The following CDKN2A variants were observed in gnomAD, a reference collection of about 807,000 sequenced individuals.
CDKN2A encodes the protein cyclin dependent kinase inhibitor 2A.
Under a neutral mutation model 11.1 loss-of-function variants are expected in CDKN2A, and 3 were observed. The ratio of observed to expected loss-of-function variants is 0.27; its 90% CI spans 0.12 to 0.70. CDKN2A has a LOEUF of 0.70. Among genes scored for constraint, CDKN2A ranks in the 30% least tolerant of loss-of-function variants. CDKN2A has a pLI of 0.77. For missense variants in CDKN2A, 265 were observed against 233.6 expected, an observed-to-expected ratio of 1.13 and a Z score of -0.88; for synonymous variants, 122 against 108.1, an observed-to-expected ratio of 1.13 and a Z score of -0.80.
At chr9:21,987,204 C>A (rs772395724) in intron 2 of CDKN2A, among the ~76,000 whole-genome samples, 3 of 151,842 alleles carry the variant, frequency 2.0e-5, no homozygotes, top group Non-Finnish European at 4.4e-5. Context: ...ACATAAAGAC[C>A]CATCATTTTG....
chr9:21,992,546 A>G (rs1212441676), intron 2 of CDKN2A: 5 of 480,542 alleles, frequency 1.0e-5, no homozygotes, highest in Admixed American at 1.3e-4. Flanking sequence ...TTTCATGCAT[A>G]TACATTAACA....
intron 2 of CDKN2A, among the ~76,000 whole-genome samples, chr9:21,993,582 T>TC (rs1400590508): frequency 6.6e-6 from 1 of 152,152 alleles, no homozygotes; most frequent in African/African-American, 2.4e-5. Flanking sequence ...TGCTTGCTCC[T>TC]CGCAGCAGTA....
intron 2 of CDKN2A, chr9:21,992,369 T>A: frequency 1.0e-6 from 1 of 965,344 alleles, no homozygotes; most frequent in Non-Finnish European, 1.2e-6. Context: ...ATTTTACATA[T>A]GAAATTGGAA....
At chr9:21,972,930 G>A (rs1819838204) in intron 1 of CDKN2A, among the ~76,000 whole-genome samples, 1 of 152,134 alleles carries the variant, frequency 6.6e-6, no homozygotes, top group African/African-American at 2.4e-5. Context: ...AACACAAATT[G>A]CATAATTTGC....
chr9:21,975,150 C>T (rs1231909171), upstream of CDKN2A: 10 of 1,202,226 alleles, frequency 8.3e-6, no homozygotes, highest in Non-Finnish European at 1.0e-5. Context: ...CCAGCGTTGG[C>T]AAGGAAGGAG....
Position 21,971,051 on chromosome 9 carries a change from C to T in CDKN2A, c.308G>A (p.Arg103Gln), listed in dbSNP as rs143282362. The T allele has an allele frequency of 6.2e-7, 1 of 1,605,464 alleles. No homozygotes were observed. Among genetic ancestry groups the T allele is most frequent in the African/African-American group, 1.3e-5 (1 of 75,018 alleles). The change falls in exon 2 of 3, where the codon CGG (arginine) becomes CAG (glutamine). Residue 103 changes from arginine (R) to glutamine (Q), a missense_variant. Physicochemically the swap from Arg to Gln is conservative, Grantham distance 43. Transcript: ENST00000304494. ...TLVVLHRAGA[R>Q]LDVRDAWGRL... The stretch of plus-strand genomic sequence containing the variant: ...GCCCCAGGCATCGCGCACGTCCAGC[C>T]GCGCCCCGGCCCGGTGCAGCACCAC...
At chr9:21,980,432 ATTTATATTG>A (rs1171051536) in intron 2 of CDKN2A, among the ~76,000 whole-genome samples, 1 of 152,176 alleles carries the variant, frequency 6.6e-6, no homozygotes, top group Non-Finnish European at 1.5e-5. Flanking sequence ...ACATTCCATG[ATTTATATTG>A]TTTGAATTTT....
intron 2 of CDKN2A, chr9:21,992,579 C>G (rs1194335769): frequency 2.6e-6 from 1 of 382,132 alleles, no homozygotes; most frequent in Admixed American, 6.4e-5. Flanking sequence ...TTTTCTCTAA[C>G]TTAAAATCAC....
Position 21,967,980 on chromosome 9 carries a change from G to A in CDKN2A, c.*249C>T. 1.9e-6 allele frequency: 1 copy of A among 528,938 alleles called. No homozygotes were observed. Among genetic ancestry groups the A allele is most frequent in the Non-Finnish European group, 3.4e-6 (1 of 297,728 alleles). The allele number at this position is 528,938 out of a possible 1,614,324, so 32.8% of individuals were successfully genotyped here. On this transcript the variant is annotated 3_prime_UTR_variant, in exon 3 of 3. Coordinates refer to ENST00000304494, the MANE Select transcript of CDKN2A (RefSeq NM_000077.5). ...CCAGAAAACTCCAACACAGTGAAAA[G>A]GCAGAAGCGGTGTTTTTCTTTTTTA...
chr9:21,981,619 C>T (rs1820199883), intron 2 of CDKN2A, among the ~76,000 whole-genome samples: 1 of 127,030 alleles, frequency 7.9e-6, no homozygotes, highest in African/African-American at 3.0e-5. Flanking sequence ...CTTTGTTACC[C>T]TGAAAAAATG....
intron 2 of CDKN2A, among the ~76,000 whole-genome samples, chr9:21,982,814 A>G (rs1329226053): frequency 1.3e-5 from 2 of 152,032 alleles, no homozygotes; most frequent in African/African-American, 4.8e-5. Flanking sequence ...TGTGTAATTT[A>G]TAATTCCACA....
At position 21,974,425 on chromosome 9, in the gene CDKN2A, T is replaced by C. The variant is rs182946652; in HGVS notation, c.150+253A>G. The C allele has an allele frequency of 1.2e-6, 2 of 1,607,696 alleles. No individual in the cohort carries two copies. Among genetic ancestry groups the C allele is most frequent in the African/African-American group, 2.7e-5 (2 of 74,906 alleles). ...ATACTTCCATCTAATACAAATATGTTCCCCCCTTCAGATCTTCTCAGCATT... is the reference window on the plus strand; with the variant it reads ...ATACTTCCATCTAATACAAATATGTCCCCCCCTTCAGATCTTCTCAGCATT... On this transcript the variant is annotated intron_variant, in intron 1 of 2. Transcript: ENST00000304494. The surrounding 1 kb of genome is among the most constrained non-coding windows in gnomAD (Gnocchi z 5.2).
In CDKN2A at chr9:21,980,756, T is replaced by G. The variant is rs560812268; in HGVS notation, c.-3-9548A>C. ...GGGCGGATCACGAGGTCAGGAGATC[T>G]AGACCATCCTAGGTAACACGGTGAA... On this transcript the variant is annotated intron_variant, in intron 2 of 3. Transcript: ENST00000494262. Among the ~76,000 whole-genome samples, 6 of 151,078 alleles carry G rather than the reference T, an allele frequency of 4.0e-5. No individual in the cohort carries two copies. In the South Asian group the frequency reaches 6.3e-4, roughly 16 times the overall value.
intron 1 of CDKN2A, chr9:21,994,453 A>G: frequency 6.9e-7 from 1 of 1,443,500 alleles, no homozygotes; most frequent in Non-Finnish European, 9.1e-7. Flanking sequence ...CCCCCTGCCC[A>G]TCTCCGCCCC....
At position 21,968,173 on chromosome 9, in the gene CDKN2A, C is replaced by T. The variant is rs746182643; in HGVS notation, c.*56G>A. 26 of 1,553,732 alleles carry T rather than the reference C, an allele frequency of 1.7e-5. No homozygotes were observed. The highest frequency in any genetic ancestry group is 1.9e-5 in the Non-Finnish European group (21 of 1,125,750). On this transcript the variant is annotated 3_prime_UTR_variant, in exon 3 of 3. Transcript: ENST00000304494. The surrounding 1 kb of genome is among the most constrained non-coding windows in gnomAD (Gnocchi z 4.7). ...GGGGGCAGTTGTGGCCCTGTAGGAC[C>T]TTCGGTGACTGATGATCTAAGTTTC...
Position 21,968,918 on chromosome 9 carries a change from G to T in CDKN2A, c.458-676C>A. The stretch of plus-strand genomic sequence containing the variant: ...GTCTCAAGATTATTTTATTCCTGAG[G>T]GAGCATTTGCACTTGAAAGTCTCTT... On this transcript the variant is annotated intron_variant, in intron 2 of 2. Coordinates refer to ENST00000304494, the MANE Select transcript of CDKN2A (RefSeq NM_000077.5). The surrounding 1 kb of genome is among the most constrained non-coding windows in gnomAD (Gnocchi z 4.7). 1.2e-6 allele frequency: 1 copy of T among 800,280 alleles called. No individual in the cohort carries two copies. The highest frequency in any genetic ancestry group is 1.6e-5 in the South Asian group (1 of 62,974). The allele number at this position is 800,280 out of a possible 1,614,324, so 49.6% of individuals were successfully genotyped here. A position where few individuals can be genotyped will look rare whatever the true frequency, so the allele number is the denominator to read the frequency against.
chr9:21,974,934 C>T (rs1819976360), upstream of CDKN2A: 13 of 1,426,048 alleles, frequency 9.1e-6, no homozygotes, highest in South Asian at 1.1e-4. The surrounding 1 kb of genome is among the most constrained non-coding windows in gnomAD (Gnocchi z 5.2). Flanking sequence ...CTTTCTTCCT[C>T]CGGTGCTGGC....
chr9:21,994,101 G>A (rs1323484402), intron 1 of CDKN2A: 7 of 1,586,138 alleles, frequency 4.4e-6, no homozygotes, highest in Non-Finnish European at 5.1e-6. Flanking sequence ...CAAAACAAGT[G>A]CCGAATGCGC....
Position 21,968,855 on chromosome 9 carries a change from G to T in CDKN2A, c.458-613C>A. ...TCTCGTTGCGTATGGGCTCCAGCTC[G>T]CCGTTCGGTTCTCCCGAGGCAGCAT... On this transcript the variant is annotated intron_variant, in intron 2 of 2. Coordinates refer to ENST00000304494, the MANE Select transcript of CDKN2A (RefSeq NM_000077.5). This position sits in a 1 kb window ranked among gnomAD's most constrained non-coding sequence, Gnocchi z 4.7. The T allele has an allele frequency of 3.6e-6, 5 of 1,370,792 alleles. No individual in the cohort carries two copies. The highest frequency in any genetic ancestry group is 5.0e-6 in the Non-Finnish European group (5 of 996,660). 84.9% of individuals were successfully genotyped at this position (1,370,792 alleles called of 1,614,324 possible). A position where few individuals can be genotyped will look rare whatever the true frequency, so the allele number is the denominator to read the frequency against.
Sources: gnomAD v4.1 joint callset for allele counts (sites outside exome capture counted in the v4.1 genomes callset) on GRCh38, gnomAD v4.1.1 for gene constraint, Gnocchi (gnomAD v3.1) non-coding constraint, MANE v1.5 for transcripts, NCBI Gene and HGNC (gene_info 2026-07-23, HGNC 2026-07-21) for gene names.